The following VCPKMT variants were observed in gnomAD, a reference collection of about 807,000 sequenced individuals.
VCPKMT encodes the protein valosin containing protein lysine methyltransferase, also known as protein N-lysine methyltransferase METTL21D.
In VCPKMT, 32 loss-of-function variants were observed where a neutral mutation model predicts 28.6. That is an observed-to-expected ratio of 1.12 (90% CI 0.84 to 1.50). VCPKMT has a LOEUF of 1.50. Among genes scored for constraint, VCPKMT ranks in the 40% most tolerant of loss-of-function variants. VCPKMT has a pLI of 0.00. For missense variants in VCPKMT, 366 were observed against 285.0 expected (o/e 1.28, Z -2.05); for synonymous variants, 138 against 111.4 (o/e 1.24, Z -1.50).
Position 50,109,204 on chromosome 14 carries a change from A to G in VCPKMT, c.*495T>C. The G allele has an allele frequency of 1.1e-6, 1 of 892,136 alleles. No homozygotes were observed. Among genetic ancestry groups the G allele is most frequent in the Non-Finnish European group, 1.3e-6 (1 of 744,700 alleles). 55.3% of individuals were successfully genotyped at this position (892,136 alleles called of 1,614,324 possible). A position where few individuals can be genotyped will look rare whatever the true frequency, so the allele number is the denominator to read the frequency against. ...TATTAAAGATATTTTAAAAGAAATG[A>G]AGTGGAAAATACAAATGATAAATAT... On this transcript the variant is annotated 3_prime_UTR_variant, in exon 6 of 6. Coordinates refer to ENST00000395860, the MANE Select transcript of VCPKMT (RefSeq NM_024558.3).
rs374654932 is a variant in VCPKMT at position 50,112,055 on chromosome 14, T to C, written c.675+560A>G. On this transcript the variant is annotated intron_variant, in intron 5 of 5. Transcript: ENST00000395860. ...CTTAATTGAGTGCATTTATCTTTTA[T>C]GGACTCATCTGCCTTGTTGTATTTC... 5 of 985,152 alleles carry C rather than the reference T, an allele frequency of 5.1e-6. No homozygotes were observed. In the African/African-American group the frequency reaches 5.2e-5, roughly 10 times the overall value. 61.0% of individuals were successfully genotyped at this position (985,152 alleles called of 1,614,324 possible). A position where few individuals can be genotyped will look rare whatever the true frequency, so the allele number is the denominator to read the frequency against.
At chr14:50,107,564 T>A (rs1395336976), downstream of VCPKMT, among the ~76,000 whole-genome samples, 1 of 152,200 alleles carries the variant, frequency 6.6e-6, no homozygotes, top group Non-Finnish European at 1.5e-5. Context: ...TCCGTCTGCC[T>A]CGGCATACAG....
chr14:50,103,037 A>G, the VCPKMT span, among the ~76,000 whole-genome samples: 8 of 152,222 alleles, frequency 5.3e-5, no homozygotes, highest in Non-Finnish European at 7.3e-5. Flanking sequence ...TTAAAACATT[A>G]TAAGATTTTT....
In VCPKMT at chr14:50,115,694, GTGACTTTTATCT is replaced by G. The variant is rs144670739; in HGVS notation, c.450+133_450+144del. Reference sequence around the variant, plus strand: ...TGAGCGTATATACATATGGTCCCTGGTGACTTTTATCTTCTCTTTACTGCATCAACTATAAGG... The same window carrying G: ...TGAGCGTATATACATATGGTCCCTGGTCTCTTTACTGCATCAACTATAAGG... On this transcript the variant is annotated intron_variant, in intron 3 of 5. Transcript: ENST00000395860. 499 of 841,774 alleles carry G rather than the reference GTGACTTTTATCT, an allele frequency of 5.9e-4. 3 individuals carry two copies. The African/African-American group carries it at 6.8e-3, about 11-fold the overall frequency. The allele number at this position is 841,774 out of a possible 1,614,324, so 52.1% of individuals were successfully genotyped here.
At position 50,112,707 on chromosome 14, in the gene VCPKMT, C is replaced by T; in HGVS notation, c.583G>A (p.Asp195Asn). The T allele has an allele frequency of 6.4e-7, 1 of 1,567,464 alleles. No individual in the cohort carries two copies. The highest frequency in any genetic ancestry group is 8.7e-7 in the Non-Finnish European group (1 of 1,152,826). Residue 195 changes from aspartate to asparagine, a missense_variant, in exon 5 of 6, where the codon GAT becomes AAT. Asp to Asn is a conservative substitution (Grantham distance 23, BLOSUM62 1). Coordinates refer to ENST00000395860, the MANE Select transcript of VCPKMT (RefSeq NM_024558.3). ...AAAGGAATTTTTTCAAAGTCAAAAT[C>T]TAGCTGAAGGAGCTATAAATTTAAA... ...EKKYFELLQLDFDFEKIPLEK... is the reference protein window; with the variant it reads ...EKKYFELLQLNFDFEKIPLEK...
In VCPKMT at chr14:50,109,604, T is replaced by C. The variant is rs1882500315; in HGVS notation, c.*95A>G. The C allele has an allele frequency of 6.8e-7, 1 of 1,478,560 alleles. No individual in the cohort carries two copies. The highest frequency in any genetic ancestry group is 8.9e-7 in the Non-Finnish European group (1 of 1,117,600). 91.6% of individuals were successfully genotyped at this position (1,478,560 alleles called of 1,614,324 possible). A position where few individuals can be genotyped will look rare whatever the true frequency, so the allele number is the denominator to read the frequency against. On this transcript the variant is annotated 3_prime_UTR_variant, in exon 6 of 6. Transcript: ENST00000395860. ...TAAGGACGTGCCGGAAAAAAAAATC[T>C]GTGAACACAATCTTCCCATGCTGTA...
chr14:50,116,339 G>A lies in VCPKMT; in HGVS notation c.214C>T (p.Leu72=). ...GCCCCGGTGCCCGAACCCAGCTCCA[G>A]CACCGACCGCCGGCTCAGCGCGTGG... ...GAHALSRRSV[L]ELGSGTGAVG... is the part of the protein sequence containing the mutation. Residue 72 remains leucine, a synonymous_variant, in exon 1 of 6, where the codon CTG becomes TTG. Coordinates refer to ENST00000395860, the MANE Select transcript of VCPKMT (RefSeq NM_024558.3). The A allele has an allele frequency of 2.5e-6, 4 of 1,611,382 alleles. No homozygotes were observed. The highest frequency in any genetic ancestry group is 3.4e-6 in the Non-Finnish European group (4 of 1,178,858).
At chr14:50,111,753 G>T in intron 5 of VCPKMT, 1 of 589,502 alleles carries the variant, frequency 1.7e-6, no homozygotes, top group Non-Finnish European at 2.1e-6. Context: ...GGGCATGGTG[G>T]TGCATGCCTA....
chr14:50,108,191 CAAA>C (rs11455635), downstream of VCPKMT, among the ~76,000 whole-genome samples: 144 of 107,080 alleles, frequency 1.3e-3, 1 homozygote, highest in African/African-American at 5.0e-3. Context: ...AACCCTGTCT[CAAA>C]AAAAAAAAAA....
At position 50,116,185 on chromosome 14, in the gene VCPKMT, A is replaced by C. The variant is rs1333990347; in HGVS notation, c.267-6T>G. The C allele has an allele frequency of 1.2e-6, 2 of 1,614,038 alleles. No individual in the cohort carries two copies. The highest frequency in any genetic ancestry group is 2.2e-5 in the South Asian group (2 of 91,064). ...CGGTGACTACAACATCAGCCCTATA[A>C]AATAACGTCGACTGAGGTGTAGGCA... On this transcript the variant is annotated splice_region_variant and splice_polypyrimidine_tract_variant and intron_variant, in intron 1 of 5. Coordinates refer to ENST00000395860, the MANE Select transcript of VCPKMT (RefSeq NM_024558.3).
chr14:50,103,292 G>A, the VCPKMT span, among the ~76,000 whole-genome samples: 5,400 of 152,186 alleles, frequency 0.035, 330 homozygotes, highest in African/African-American at 0.12. Context: ...TCCCACACAC[G>A]CACTCATTAC....
In VCPKMT at chr14:50,109,642, A is replaced by G. The variant is rs1292309471; in HGVS notation, c.*57T>C. The G allele has an allele frequency of 6.4e-7, 1 of 1,573,244 alleles. No individual in the cohort carries two copies. Among genetic ancestry groups the G allele is most frequent in the Non-Finnish European group, 8.6e-7 (1 of 1,162,500 alleles). ...TTCCCATGCTGTATTCACATGCTCT[A>G]TTCACATCTTTAGTTTACCCAGGTT... On this transcript the variant is annotated 3_prime_UTR_variant, in exon 6 of 6. Coordinates refer to ENST00000395860, the MANE Select transcript of VCPKMT (RefSeq NM_024558.3).
chr14:50,104,016 T>C (rs976492230), downstream of VCPKMT, among the ~76,000 whole-genome samples: 4 of 152,226 alleles, frequency 2.6e-5, no homozygotes, highest in Admixed American at 6.5e-5. Flanking sequence ...TTATGATCTT[T>C]ACCTTACATA....
At chr14:50,110,474 A>G (rs1386106083) in intron 5 of VCPKMT, among the ~76,000 whole-genome samples, 1 of 152,240 alleles carries the variant, frequency 6.6e-6, no homozygotes, top group Non-Finnish European at 1.5e-5. Flanking sequence ...ACCCAACATC[A>G]TTAGTCATTA....
Position 50,114,371 on chromosome 14 carries a change from T to C in VCPKMT, c.484A>G (p.Ile162Val). 6.3e-7 allele frequency: 1 copy of C among 1,582,390 alleles called. No individual in the cohort carries two copies. The highest frequency in any genetic ancestry group is 8.6e-7 in the Non-Finnish European group (1 of 1,167,138). The part of the protein sequence containing the change: ...LEPLLKTLKD[I>V]SGFETCIICC... ...ATAATACAAGTTTCAAATCCGCTGA[T>C]ATCTTTTAGAGTTTTCAGCAATGGC... The change falls in exon 4 of 6, where the codon ATC (isoleucine) becomes GTC (valine). Residue 162 changes from isoleucine to valine, a missense_variant. Coordinates refer to ENST00000395860, the MANE Select transcript of VCPKMT (RefSeq NM_024558.3).
Position 50,116,435 on chromosome 14 carries a change from A to G in VCPKMT, c.118T>C (p.Cys40Arg). 1 of 1,614,022 alleles carries G rather than the reference A, an allele frequency of 6.2e-7. No homozygotes were observed. The highest frequency in any genetic ancestry group is 1.3e-5 in the African/African-American group (1 of 75,032). Residue 40 changes from cysteine to arginine, a missense_variant, in exon 1 of 6, where the codon TGC becomes CGC. Physicochemically the swap from Cys to Arg is radical, Grantham distance 180. Transcript: ENST00000395860. ...ACAATGGCAGCGTCCCACACAACGCAACCCACGCCACCGGAGCTATACTGC... is the reference window on the plus strand; with the variant it reads ...ACAATGGCAGCGTCCCACACAACGCGACCCACGCCACCGGAGCTATACTGC... ...LQQYSSGGVGCVVWDAAIVLS... is the reference protein window; with the variant it reads ...LQQYSSGGVGRVVWDAAIVLS...
At chr14:50,115,092 C>G (rs1883012514) in intron 3 of VCPKMT, among the ~76,000 whole-genome samples, 2 of 149,276 alleles carry the variant, frequency 1.3e-5, no homozygotes. Context: ...TAACTTGGTT[C>G]AATGCTAATT....
chr14:50,103,360 T>C, the VCPKMT span, among the ~76,000 whole-genome samples: 4 of 152,248 alleles, frequency 2.6e-5, no homozygotes, highest in Non-Finnish European at 4.4e-5. Flanking sequence ...TAAAGTCACA[T>C]TGCTCTTTTA....
chr14:50,112,393 GAGAAAAAAA>G (rs1417295711), intron 5 of VCPKMT, among the ~76,000 whole-genome samples: 3 of 56,422 alleles, frequency 5.3e-5, no homozygotes, highest in Non-Finnish European at 3.2e-5. Context: ...TAAAAAATAC[GAGAAAAAAA>G]AAAAAAAAAA....
Sources: gnomAD v4.1 joint callset for allele counts (sites outside exome capture counted in the v4.1 genomes callset) on GRCh38, gnomAD v4.1.1 for gene constraint, MANE v1.5 for transcripts, NCBI Gene and HGNC (gene_info 2026-07-23, HGNC 2026-07-21) for gene names.